Variants in MUCL3 observed in about 807,000 individuals in gnomAD.
MUCL3 encodes mucin-like protein 3.
Under a neutral mutation model 70.2 loss-of-function variants are expected in MUCL3, and 42 were observed. That is an observed-to-expected ratio of 0.60 (90% CI 0.47 to 0.77). The LOEUF (loss-of-function observed/expected upper bound fraction) is 0.77. Ranked by LOEUF, MUCL3 falls within the 30% of genes least tolerant of loss-of-function variation. The probability of loss-of-function intolerance (pLI) is 0.00; values close to 1 mark genes in which losing one functional copy is unlikely to be tolerated. For missense variants in MUCL3, 1,429 were observed against 1,670.0 expected (o/e 0.86, Z 2.52); for synonymous variants, 522 against 647.0 (o/e 0.81, Z 2.93).
Position 30,947,109 on chromosome 6 carries a change from T to G in MUCL3, c.83-1438T>G, listed in dbSNP as rs147970510. Among the ~76,000 whole-genome samples the G allele has an allele frequency of 2.6e-5, 4 of 152,240 alleles. No homozygotes were observed. The East Asian group carries it at 7.7e-4, about 29-fold the overall frequency. ...TGGAGCATTGGGAGATCAATCACCATAGAAGAGAATCCAGAAAGAGAATGT... is the reference window on the plus strand; with the variant it reads ...TGGAGCATTGGGAGATCAATCACCAGAGAAGAGAATCCAGAAAGAGAATGT... On this transcript the variant is annotated intron_variant, in intron 1 of 2. Coordinates refer to ENST00000462446, the MANE Select transcript of MUCL3 (RefSeq NM_080870.4).
rs1285236575 is a variant in MUCL3 at position 30,948,538 on chromosome 6, C to T, written c.83-9C>T. On this transcript the variant is annotated splice_polypyrimidine_tract_variant and intron_variant, in intron 1 of 2. Coordinates refer to ENST00000462446, the MANE Select transcript of MUCL3 (RefSeq NM_080870.4). Reference sequence around the variant, plus strand: ...GGGAAGTTTCTTATTTGCCTCTCTCCCTCCACAGGTGCTACTACATTCCAA... The same window carrying T: ...GGGAAGTTTCTTATTTGCCTCTCTCTCTCCACAGGTGCTACTACATTCCAA... 8 of 1,502,826 alleles carry T rather than the reference C, an allele frequency of 5.3e-6. No homozygotes were observed. Among genetic ancestry groups the T allele is most frequent in the Non-Finnish European group, 7.1e-6 (8 of 1,126,414 alleles). The allele number at this position is 1,502,826 out of a possible 1,614,324, so 93.1% of individuals were successfully genotyped here. A position where few individuals can be genotyped will look rare whatever the true frequency, so the allele number is the denominator to read the frequency against.
Position 30,950,539 on chromosome 6 carries a change from A to C in MUCL3, c.2075A>C (p.Lys692Thr). 1 of 1,549,924 alleles carries C rather than the reference A, an allele frequency of 6.5e-7. No individual in the cohort carries two copies. Among genetic ancestry groups the C allele is most frequent in the Non-Finnish European group, 8.7e-7 (1 of 1,146,574 alleles). Residue 692 changes from lysine to threonine, a missense_variant, in exon 2 of 3, where the codon AAA (lysine) becomes ACA (threonine). Physicochemically the swap from Lys to Thr is moderately conservative, Grantham distance 78 (BLOSUM62 -1). Coordinates refer to ENST00000462446, the MANE Select transcript of MUCL3 (RefSeq NM_080870.4). The part of the protein sequence containing the change: ...NGQRTPFANE[K>T]TTSSSAEPTE... ...CAAAGGACCCCATTTGCCAATGAGA[A>C]AACCACATCATCCTCAGCAGAGCCT... is the stretch of plus-strand genomic sequence containing the variant.
Position 30,949,753 on chromosome 6 carries a change from C to G in MUCL3, c.1289C>G (p.Ala430Gly). ...GAACATGGAGAAAGGACCCCACTGG[C>G]CAACGAGAACACCACACCATCCCCA... ...STEHGERTPL[A>G]NENTTPSPAE... is the part of the protein sequence containing the mutation. The change falls in exon 2 of 3, where the codon GCC (alanine) becomes GGC (glycine). Residue 430 changes from alanine (A) to glycine (G), a missense_variant. Transcript: ENST00000462446. 6.5e-7 allele frequency: 1 copy of G among 1,549,002 alleles called. No homozygotes were observed.
In MUCL3 at chr6:30,950,067, C is replaced by G. The variant is rs1214106139; in HGVS notation, c.1603C>G (p.Pro535Ala). Residue 535 changes from proline (P) to alanine (A), a missense_variant, in exon 2 of 3, where the codon CCA (proline) becomes GCA (alanine). Pro to Ala is a conservative substitution (Grantham distance 27). Coordinates refer to ENST00000462446, the MANE Select transcript of MUCL3 (RefSeq NM_080870.4). Reference sequence around the variant, plus strand: ...CCCACTGGCCAATGAGAACACCACACCATCCCCAGCAGAGCCTACAGAAAA... The same window carrying G: ...CCCACTGGCCAATGAGAACACCACAGCATCCCCAGCAGAGCCTACAGAAAA... ...RTPLANENTT[P>A]SPAEPTENRE... 6.5e-7 allele frequency: 1 copy of G among 1,549,942 alleles called. No homozygotes were observed. The highest frequency in any genetic ancestry group is 8.7e-7 in the Non-Finnish European group (1 of 1,146,650).
In MUCL3 at chr6:30,950,837, T is replaced by G; in HGVS notation, c.2373T>G (p.Asn791Lys). 2.6e-6 allele frequency: 4 copies of G among 1,546,544 alleles called. No individual in the cohort carries two copies. The highest frequency in any genetic ancestry group is 3.5e-6 in the Non-Finnish European group (4 of 1,146,432). Residue 791 changes from asparagine to lysine, a missense_variant, in exon 2 of 3, where the codon AAT becomes AAG. By Grantham distance (94) the Asn-to-Lys change is moderately conservative (BLOSUM62 0). Coordinates refer to ENST00000462446, the MANE Select transcript of MUCL3 (RefSeq NM_080870.4). ...TENGKRTPFA[N>K]EKTTSSSAEP... ...ATGGAAAAAGGACCCCATTTGCCAA[T>G]GAGAAGACCACATCATCCTCAGCAG...
Position 30,948,728 on chromosome 6 carries a change from C to T in MUCL3, c.264C>T (p.Asn88=), listed in dbSNP as rs1269442820. ...TCCATGAGCAAAAACGCCACTGCAACACCACACGCCATTCTAAGCCAACTG... is the reference window on the plus strand; with the variant it reads ...TCCATGAGCAAAAACGCCACTGCAATACCACACGCCATTCTAAGCCAACTG... The part of the protein sequence containing the change: ...TEIHEQKRHC[N]TTRHSKPTDK... The change falls in exon 2 of 3, where the codon AAC becomes AAT. Residue 88 remains asparagine, a synonymous_variant. Coordinates refer to ENST00000462446, the MANE Select transcript of MUCL3 (RefSeq NM_080870.4). 1.9e-6 allele frequency: 3 copies of T among 1,551,666 alleles called. No homozygotes were observed. The highest frequency in any genetic ancestry group is 1.2e-5 in the South Asian group (1 of 84,060).
At position 30,951,221 on chromosome 6, in the gene MUCL3, A is replaced by T. The variant is rs1390794168; in HGVS notation, c.2757A>T (p.Ala919=). 1 of 1,552,022 alleles carries T rather than the reference A, an allele frequency of 6.4e-7. No individual in the cohort carries two copies. The highest frequency in any genetic ancestry group is 8.7e-7 in the Non-Finnish European group (1 of 1,147,096). ...ATGAGAAGACCACACCATCCTCAGCAGAGCCTACAGAACATGGAGAAAGGA... is the reference window on the plus strand; with the variant it reads ...ATGAGAAGACCACACCATCCTCAGCTGAGCCTACAGAACATGGAGAAAGGA... The part of the protein sequence containing the change: ...FTNEKTTPSS[A]EPTEHGERTP... The change falls in exon 2 of 3, where the codon GCA becomes GCT. Residue 919 remains alanine, a synonymous_variant. Coordinates refer to ENST00000462446, the MANE Select transcript of MUCL3 (RefSeq NM_080870.4).
rs191228398 is a variant in MUCL3 at position 30,951,042 on chromosome 6, C to G, written c.2578C>G (p.Pro860Ala). 5 of 1,551,442 alleles carry G rather than the reference C, an allele frequency of 3.2e-6. No individual in the cohort carries two copies. In the Admixed American group the frequency reaches 9.8e-5, roughly 30 times the overall value. ...GAAGACCACACCATTCCCAGCAGAGCCTACAGAAAATAGAGAATGGACAGC... is the reference window on the plus strand; with the variant it reads ...GAAGACCACACCATTCCCAGCAGAGGCTACAGAAAATAGAGAATGGACAGC... ...NEKTTPFPAE[P>A]TENREWTANE... The change falls in exon 2 of 3, where the codon CCT (proline) becomes GCT (alanine). Residue 860 changes from proline to alanine, a missense_variant. By Grantham distance (27) the Pro-to-Ala change is conservative. Coordinates refer to ENST00000462446, the MANE Select transcript of MUCL3 (RefSeq NM_080870.4).
At position 30,951,996 on chromosome 6, in the gene MUCL3, G is replaced by A; in HGVS notation, c.3532G>A (p.Glu1178Lys). The A allele has an allele frequency of 6.2e-7, 1 of 1,612,346 alleles. No homozygotes were observed. Among genetic ancestry groups the A allele is most frequent in the Non-Finnish European group, 8.5e-7 (1 of 1,179,792 alleles). Residue 1178 changes from glutamate (E) to lysine (K), a missense_variant, in exon 2 of 3, where the codon GAG (glutamate) becomes AAG (lysine). Glu to Lys is a moderately conservative substitution (Grantham distance 56, BLOSUM62 1). Coordinates refer to ENST00000462446, the MANE Select transcript of MUCL3 (RefSeq NM_080870.4). ...CCCAGAAAAGACCACGTCAACCACA[G>A]AGAAAACCACAAGAACCCCAGAAAA... Reference protein sequence around the residue: ...EHPEKTTSTTEKTTRTPEKPT... With the variant: ...EHPEKTTSTTKKTTRTPEKPT...
In MUCL3 at chr6:30,948,851, G is replaced by T; in HGVS notation, c.387G>T (p.Gly129=). The T allele has an allele frequency of 2.6e-6, 4 of 1,551,602 alleles. No individual in the cohort carries two copies. The highest frequency in any genetic ancestry group is 3.5e-6 in the Non-Finnish European group (4 of 1,146,988). ...CTGAAGAAAACTCCAGCAACCAAGG[G>T]AAAGACCCAATGATCCGGAACCAGC... The part of the protein sequence containing the change: ...PTSEENSSNQ[G]KDPMIRNQRS... The change falls in exon 2 of 3, where the codon GGG becomes GGT. Residue 129 remains glycine (G), a synonymous_variant. Transcript: ENST00000462446.
Position 30,952,420 on chromosome 6 carries a change from C to A in MUCL3, c.3956C>A (p.Ser1319Ter), listed in dbSNP as rs903357626. The stretch of plus-strand genomic sequence containing the variant: ...GCTGGACAGATGGGAGAGAATGATT[C>A]ATTCCCTGCATGGGCCATAGTTATT... ...IHAGQMGEND[S>*]FPAWAIVIVV... The change falls in exon 2 of 3, where the codon TCA becomes TAA. Residue 1319 changes from serine to a stop codon, truncating the protein, a stop_gained. Transcript: ENST00000462446. LOFTEE classifies it high-confidence loss of function. 1.2e-6 allele frequency: 2 copies of A among 1,614,106 alleles called. No homozygotes were observed. The highest frequency in any genetic ancestry group is 1.3e-5 in the African/African-American group (1 of 75,034).
Position 30,950,551 on chromosome 6 carries a change from C to T in MUCL3, c.2087C>T (p.Ser696Phe), listed in dbSNP as rs1760605514. 2 of 1,550,594 alleles carry T rather than the reference C, an allele frequency of 1.3e-6. No homozygotes were observed. The highest frequency in any genetic ancestry group is 1.7e-6 in the Non-Finnish European group (2 of 1,146,788). The part of the protein sequence containing the change: ...TPFANEKTTS[S>F]SAEPTEHGER... ...TTTGCCAATGAGAAAACCACATCAT[C>T]CTCAGCAGAGCCTACAGAACACGGA... The change falls in exon 2 of 3, where the codon TCC (serine) becomes TTC (phenylalanine). Residue 696 changes from serine to phenylalanine, a missense_variant. Transcript: ENST00000462446.
chr6:30,948,845 C>A lies in MUCL3; in HGVS notation c.381C>A (p.Asn127Lys). The A allele has an allele frequency of 1.3e-6, 2 of 1,551,666 alleles. No individual in the cohort carries two copies. The highest frequency in any genetic ancestry group is 8.7e-7 in the Non-Finnish European group (1 of 1,146,974). ...CCACTTCTGAAGAAAACTCCAGCAA[C>A]CAAGGGAAAGACCCAATGATCCGGA... Reference protein sequence around the residue: ...APPTSEENSSNQGKDPMIRNQ... With the variant: ...APPTSEENSSKQGKDPMIRNQ... Residue 127 changes from asparagine to lysine, a missense_variant, in exon 2 of 3, where the codon AAC becomes AAA. Transcript: ENST00000462446.
Position 30,952,089 on chromosome 6 carries a change from A to G in MUCL3, c.3625A>G (p.Thr1209Ala), listed in dbSNP as rs1562495506. The G allele has an allele frequency of 1.2e-6, 2 of 1,608,126 alleles. No homozygotes were observed. Among genetic ancestry groups the G allele is most frequent in the Non-Finnish European group, 1.7e-6 (2 of 1,178,620 alleles). The change falls in exon 2 of 3, where the codon ACA (threonine) becomes GCA (alanine). Residue 1209 changes from threonine (T) to alanine (A), a missense_variant. Thr to Ala is a moderately conservative substitution (Grantham distance 58, BLOSUM62 0). Transcript: ENST00000462446. ...AAACACACCAGTCCCAGAAAAGCCT[A>G]CAGAAAACCTGGGGAACACCACACT... ...GKNTPVPEKP[T>A]ENLGNTTLTT...
chr6:30,948,797 T>C lies in MUCL3; in HGVS notation c.333T>C (p.Ser111=). 1.3e-6 allele frequency: 2 copies of C among 1,551,478 alleles called. No homozygotes were observed. The highest frequency in any genetic ancestry group is 1.7e-6 in the Non-Finnish European group (2 of 1,146,956). The part of the protein sequence containing the change: ...GNSKTIDHKS[S]TDNHEAPPTS... ...CCAAAACTATAGACCACAAAAGCTC[T>C]ACAGATAATCATGAGGCTCCTCCCA... The change falls in exon 2 of 3, where the codon TCT becomes TCC. Residue 111 remains serine, a synonymous_variant. Transcript: ENST00000462446.
At chr6:30,946,512 C>T (rs1374297199) in intron 1 of MUCL3, among the ~76,000 whole-genome samples, 1 of 152,230 alleles carries the variant, frequency 6.6e-6, no homozygotes, top group Non-Finnish European at 1.5e-5. Flanking sequence ...TGTTTAAAAA[C>T]ATCTGGGGCA....
At position 30,949,599 on chromosome 6, in the gene MUCL3, G is replaced by A; in HGVS notation, c.1135G>A (p.Glu379Lys). Residue 379 changes from glutamate to lysine, a missense_variant, in exon 2 of 3, where the codon GAG becomes AAG. Coordinates refer to ENST00000462446, the MANE Select transcript of MUCL3 (RefSeq NM_080870.4). ...TGAGAACACCACACCATCCCCAGCAGAGCCTACAGAACATGGAGAAAGGAC... is the reference window on the plus strand; with the variant it reads ...TGAGAACACCACACCATCCCCAGCAAAGCCTACAGAACATGGAGAAAGGAC... ...ANENTTPSPA[E>K]PTEHGERTAN... 1 of 1,540,926 alleles carries A rather than the reference G, an allele frequency of 6.5e-7. No homozygotes were observed. The highest frequency in any genetic ancestry group is 2.6e-5 in the East Asian group (1 of 38,300).
chr6:30,945,338 G>A (rs1434531384), intron 1 of MUCL3, among the ~76,000 whole-genome samples: 1 of 151,800 alleles, frequency 6.6e-6, no homozygotes, highest in Non-Finnish European at 1.5e-5. Flanking sequence ...AAAAATCCCT[G>A]CCAGGCCAGG....
chr6:30,944,470 C>T (rs892836378), intron 1 of MUCL3, among the ~76,000 whole-genome samples: 5 of 152,062 alleles, frequency 3.3e-5, no homozygotes, highest in Non-Finnish European at 4.4e-5. Context: ...TTAGTAGAGA[C>T]GGGGTTTCGC....
Sources: allele counts gnomAD v4.1 joint callset (sites outside exome capture counted in the v4.1 genomes callset), GRCh38; gene constraint gnomAD v4.1.1; transcripts MANE v1.5; gene names NCBI Gene and HGNC (gene_info 2026-07-23, HGNC 2026-07-21).